Variants in HAUS6 observed in about 807,000 individuals in gnomAD.
HAUS6 encodes HAUS augmin-like complex subunit 6.
Under a neutral mutation model 106.8 loss-of-function variants are expected in HAUS6, and 80 were observed. The ratio of observed to expected loss-of-function variants is 0.75; its 90% CI spans 0.63 to 0.90. The LOEUF is 0.90. HAUS6 is among the 40% of genes least tolerant of loss of function. HAUS6 has a pLI of 0.00. For missense variants in HAUS6, 1,155 were observed against 1,118.1 expected (o/e 1.03, Z -0.47); for synonymous variants, 356 against 379.1 (o/e 0.94, Z 0.71).
chr9:19,099,367 C>T (rs942456228), intron 1 of HAUS6, among the ~76,000 whole-genome samples: 2 of 152,054 alleles, frequency 1.3e-5, no homozygotes, highest in Admixed American at 6.5e-5. Flanking sequence ...AGGGTTTCAC[C>T]GTGTTAGCTA....
intron 11 of HAUS6, among the ~76,000 whole-genome samples, chr9:19,072,545 G>A (rs890609185): frequency 1.3e-5 from 2 of 150,712 alleles, no homozygotes; most frequent in African/African-American, 4.9e-5. Context: ...TGAATGACAA[G>A]TAGACCAAGA....
intron 6 of HAUS6, 66 bp from the exon 7 acceptor site, chr9:19,086,848 G>A: frequency 1.4e-6 from 1 of 726,870 alleles, no homozygotes; most frequent in Non-Finnish European, 2.4e-6. Context: ...TATCCAAAGA[G>A]CTAATTAGTC....
intron 12 of HAUS6, among the ~76,000 whole-genome samples, chr9:19,067,742 G>C (rs2131111096): frequency 6.6e-6 from 1 of 152,258 alleles, no homozygotes; most frequent in East Asian, 1.9e-4. Context: ...AGGCTGGAGT[G>C]CAATGGTGCA....
chr9:19,089,521 G>A lies in HAUS6; in HGVS notation c.475C>T (p.Pro159Ser), dbSNP rs1156609843. Residue 159 changes from proline (P) to serine (S), a missense_variant, in exon 5 of 17, where the codon CCA (proline) becomes TCA (serine). Pro to Ser is a moderately conservative substitution (Grantham distance 74). Around this residue, in one of 3 missense-constraint regions of HAUS6, gnomAD observed 761 missense variants for 690.0 expected, o/e 1.10. Transcript: ENST00000380502. ...GCAATGCATTTGTGCAAGTCCTGTG[G>A]TTTTATGTTAAATGTCTCTACAAAA... ...HHFVETFNIK[P>S]QDLHKCIARC... 2 of 1,610,502 alleles carry A rather than the reference G, an allele frequency of 1.2e-6. No homozygotes were observed. Among genetic ancestry groups the A allele is most frequent in the Non-Finnish European group, 8.5e-7 (1 of 1,176,960 alleles).
intron 4 of HAUS6, among the ~76,000 whole-genome samples, chr9:19,092,703 A>C (rs35448309): frequency 0.083 from 12,590 of 150,872 alleles, 572 homozygotes; most frequent in East Asian, 0.11. Flanking sequence ...GTGGGCAGAT[A>C]ATCTGAGGTC....
chr9:19,063,289 A>G (rs1836672082), intron 13 of HAUS6, 96 bp from the exon 14 acceptor site: 1 of 821,008 alleles, frequency 1.2e-6, no homozygotes, highest in Non-Finnish European at 1.9e-6. Flanking sequence ...ATGAACCTAT[A>G]AAAGGTTGTT....
chr9:19,061,611 G>A (rs1162106702), intron 14 of HAUS6, among the ~76,000 whole-genome samples: 1 of 152,170 alleles, frequency 6.6e-6, no homozygotes, highest in Non-Finnish European at 1.5e-5. Context: ...AAAGCTAGAA[G>A]ATCACTTCAG....
chr9:19,066,476 T>C (rs1056872588), intron 12 of HAUS6, among the ~76,000 whole-genome samples: 1 of 152,178 alleles, frequency 6.6e-6, no homozygotes, highest in African/African-American at 2.4e-5. Flanking sequence ...TGCAAGATCA[T>C]ACTGCCCTCC....
At chr9:19,090,388 G>A (rs11793687) in intron 4 of HAUS6, among the ~76,000 whole-genome samples, 5,287 of 151,800 alleles carry the variant, frequency 0.035, 112 homozygotes, top group Non-Finnish European at 0.051. Context: ...TTTTTGAGAC[G>A]GAGTCTCCCT....
chr9:19,096,618 C>T, intron 2 of HAUS6, 56 bp downstream of exon 2: 1 of 682,958 alleles, frequency 1.5e-6, no homozygotes, highest in Non-Finnish European at 2.5e-6. Flanking sequence ...TATCAAAACG[C>T]TGTCCATTTT....
chr9:19,098,852 G>A (rs1302142885), intron 1 of HAUS6, among the ~76,000 whole-genome samples: 2 of 151,716 alleles, frequency 1.3e-5, no homozygotes, highest in Non-Finnish European at 2.9e-5. Context: ...GAGAAACCCC[G>A]TCTCTACTAA....
intron 12 of HAUS6, chr9:19,063,897 A>T (rs138776502): frequency 3.4e-5 from 15 of 439,662 alleles, no homozygotes; most frequent in Non-Finnish European, 5.7e-5. Context: ...AACAGATTCA[A>T]TTAACTAGAA....
intron 1 of HAUS6, among the ~76,000 whole-genome samples, chr9:19,101,622 AT>A (rs1461573604): frequency 1.3e-5 from 2 of 152,158 alleles, no homozygotes; most frequent in Non-Finnish European, 2.9e-5. Context: ...TAAAATAATA[AT>A]ACTTTAAAAA....
chr9:19,082,908 G>C lies in HAUS6; in HGVS notation c.835C>G (p.Leu279Val). The C allele has an allele frequency of 6.6e-7, 1 of 1,524,496 alleles. No individual in the cohort carries two copies. Among genetic ancestry groups the C allele is most frequent in the Non-Finnish European group, 8.8e-7 (1 of 1,136,674 alleles). The allele number at this position is 1,524,496 out of a possible 1,614,324, so 94.4% of individuals were successfully genotyped here. The change falls in exon 8 of 17, where the codon CTC becomes GTC. Residue 279 changes from leucine to valine, a missense_variant. Around this residue, in one of 3 missense-constraint regions of HAUS6, gnomAD observed 761 missense variants for 690.0 expected, o/e 1.10. Coordinates refer to ENST00000380502, the MANE Select transcript of HAUS6 (RefSeq NM_017645.5). The part of the protein sequence containing the change: ...GTNVAINIPR[L>V]LLDKIEKQMF... ...TGTTTCTCAATTTTGTCAAGTAAGA[G>C]CCTTGGAATATTAATAGCAACATTA...
chr9:19,091,123 AC>A (rs1305499965), intron 4 of HAUS6, among the ~76,000 whole-genome samples: 1 of 151,800 alleles, frequency 6.6e-6, no homozygotes, highest in East Asian at 1.9e-4. Flanking sequence ...ACATAATGAT[AC>A]CCCATCTATA....
At chr9:19,099,550 A>G (rs919700190) in intron 1 of HAUS6, among the ~76,000 whole-genome samples, 4 of 152,056 alleles carry the variant, frequency 2.6e-5, no homozygotes, top group Non-Finnish European at 4.4e-5. Context: ...CTGTAGCCTC[A>G]AACTCCTGGG....
intron 14 of HAUS6, among the ~76,000 whole-genome samples, chr9:19,060,913 G>A (rs1029081490): frequency 6.6e-6 from 1 of 152,220 alleles, no homozygotes; most frequent in East Asian, 1.9e-4. Flanking sequence ...TGTAATCCCA[G>A]CACTTTGGGA....
In HAUS6 at chr9:19,058,206, G is replaced by A. The variant is rs149710112; in HGVS notation, c.2561C>T (p.Ser854Leu). The A allele has an allele frequency of 3.8e-5, 62 of 1,613,712 alleles. No homozygotes were observed. The highest frequency in any genetic ancestry group is 5.3e-5 in the African/African-American group (4 of 74,904). The change falls in exon 16 of 17, where the codon TCG becomes TTG. Residue 854 changes from serine to leucine, a missense_variant. Around this residue, in one of 3 missense-constraint regions of HAUS6, gnomAD observed 380 missense variants for 394.8 expected, o/e 0.96. Transcript: ENST00000380502. Reference protein sequence around the residue: ...LSKKREESYLSNSQTPERHKP... With the variant: ...LSKKREESYLLNSQTPERHKP... ...GTGTCTTTCGGGTGTTTGGGAATTC[G>A]AGAGGTAAGATTCTTCCCTTTTCTT...
intron 10 of HAUS6, among the ~76,000 whole-genome samples, chr9:19,077,138 C>G (rs1837028079): frequency 6.6e-6 from 1 of 152,152 alleles, no homozygotes; most frequent in Admixed American, 6.5e-5. Context: ...GCCACCACGC[C>G]CAGCCCTATA....
Sources: gnomAD v4.1 joint callset for allele counts (sites outside exome capture counted in the v4.1 genomes callset) on GRCh38, gnomAD v4.1.1 for gene constraint, gnomAD v4.1.1 regional missense constraint, MANE v1.5 for transcripts, NCBI Gene and HGNC (gene_info 2026-07-23, HGNC 2026-07-21) for gene names.